The following TMEM204 variants were observed in gnomAD, a reference collection of about 807,000 sequenced individuals.
TMEM204 encodes transmembrane protein 204, also known as claudin-like protein 24.
TMEM204 carries 15 observed loss-of-function variants against 19.4 expected under a neutral mutation model. That is an observed-to-expected ratio of 0.77 (90% CI 0.52 to 1.19). The LOEUF (loss-of-function observed/expected upper bound fraction) is 1.19, where lower values mean the gene tolerates loss of function less well. Among genes scored for constraint, TMEM204 ranks in the 50% most tolerant of loss-of-function variants. The probability of loss-of-function intolerance (pLI) is 0.00; values close to 1 mark genes in which losing one functional copy is unlikely to be tolerated. For missense variants in TMEM204, 287 were observed against 321.2 expected, an observed-to-expected ratio of 0.89 and a Z score of 0.81; for synonymous variants, 161 against 146.0, an observed-to-expected ratio of 1.10 and a Z score of -0.74.
intron 1 of TMEM204, among the ~76,000 whole-genome samples, chr16:1,534,930 C>T (rs957186821): frequency 2.0e-4 from 30 of 152,008 alleles, no homozygotes; most frequent in African/African-American, 7.0e-4. Context: ...TACGGCTGGG[C>T]GCAGTGGTTC....
rs552516748 is a variant in TMEM204, at chr16:1,551,471, T to C, written c.437-3311T>C. Among the ~76,000 whole-genome samples the C allele has an allele frequency of 3.0e-4, 46 of 152,118 alleles. No homozygotes were observed. Among genetic ancestry groups the C allele is most frequent in the Non-Finnish European group, 4.9e-4 (33 of 67,972 alleles). On this transcript the variant is annotated intron_variant, in intron 2 of 2. Transcript: ENST00000566264. This position sits in a 1 kb window ranked among gnomAD's most constrained non-coding sequence, Gnocchi z 4.0. ...AGGGTGGCAGAAGGGCGGCCGCAGG[T>C]AGCAGGGGAGACCCTAAGGCGATGG...
intron 2 of TMEM204, among the ~76,000 whole-genome samples, chr16:1,545,027 A>C (rs1460184070): frequency 6.6e-6 from 1 of 152,256 alleles, no homozygotes; most frequent in African/African-American, 2.4e-5. Flanking sequence ...TGGCATGTCG[A>C]AAATGACAGC....
At chr16:1,552,535 C>T (rs1481510471) in intron 2 of TMEM204, among the ~76,000 whole-genome samples, 1 of 152,190 alleles carries the variant, frequency 6.6e-6, no homozygotes, top group Non-Finnish European at 1.5e-5. Context: ...AGGCTCATTC[C>T]TTCACCCCAG....
intron 2 of TMEM204, among the ~76,000 whole-genome samples, chr16:1,544,522 G>T (rs538454365): frequency 6.6e-6 from 1 of 152,094 alleles, no homozygotes; most frequent in Non-Finnish European, 1.5e-5. Context: ...TAGAGACGGG[G>T]TTTCACCATG....
At chr16:1,545,763 G>A (rs896380011) in intron 2 of TMEM204, among the ~76,000 whole-genome samples, 3 of 152,224 alleles carry the variant, frequency 2.0e-5, no homozygotes, top group Non-Finnish European at 4.4e-5. Flanking sequence ...TGAAAGGAAG[G>A]CTCCTTGTCA....
chr16:1,542,565 G>C (rs530781841), intron 2 of TMEM204, among the ~76,000 whole-genome samples: 1 of 152,240 alleles, frequency 6.6e-6, no homozygotes, highest in Non-Finnish European at 1.5e-5. Context: ...CATGTGCTCT[G>C]TTATAAACGC....
chr16:1,541,850 T>C, intron 1 of TMEM204, 71 bp from the exon 2 acceptor site: 4 of 1,476,580 alleles, frequency 2.7e-6, no homozygotes, highest in Non-Finnish European at 3.6e-6. Context: ...ACCACGAAAG[T>C]GGCGTGACGG....
At chr16:1,538,426 C>T (rs959179841) in intron 1 of TMEM204, among the ~76,000 whole-genome samples, 2 of 152,226 alleles carry the variant, frequency 1.3e-5, no homozygotes, top group African/African-American at 2.4e-5. Flanking sequence ...CACAACTACA[C>T]GTGCAGCTGT....
intron 2 of TMEM204, among the ~76,000 whole-genome samples, 163 bp downstream of exon 2, chr16:1,542,239 C>G (rs371594237): frequency 6.6e-6 from 1 of 152,258 alleles, no homozygotes; most frequent in African/African-American, 2.4e-5. Context: ...TCCTCCCTCC[C>G]TCTTGCTGTA....
chr16:1,541,803 C>T (rs2031666217), intron 1 of TMEM204, 118 bp from the exon 2 acceptor site: 1 of 1,279,100 alleles, frequency 7.8e-7, no homozygotes. Flanking sequence ...AATGGAGGCA[C>T]AGCCTGTGCC....
rs117766568 is a variant in TMEM204, at chr16:1,546,783, A to G, written c.436+4707A>G. 4.6e-3 allele frequency among the ~76,000 whole-genome samples: 703 copies of G among 152,126 alleles called. 4 individuals carry two copies. Among genetic ancestry groups the G allele is most frequent in the Non-Finnish European group, 6.2e-3 (419 of 67,986 alleles). ...GTCCTGAGCCCGGCCTGAAGAGAAC[A>G]CTTTTCGGTGGTTTGATCCAGCAGC... On this transcript the variant is annotated intron_variant, in intron 2 of 2. Coordinates refer to ENST00000566264, the MANE Select transcript of TMEM204 (RefSeq NM_024600.6).
Position 1,553,371 on chromosome 16 carries a change from ACAGGG to A in TMEM204, c.437-1403_437-1399del, listed in dbSNP as rs1365875490. 17 of 985,148 alleles carry A rather than the reference ACAGGG, an allele frequency of 1.7e-5. No individual in the cohort carries two copies. The highest frequency in any genetic ancestry group is 2.0e-5 in the Non-Finnish European group (17 of 829,904). 61.0% of individuals were successfully genotyped at this position (985,148 alleles called of 1,614,324 possible). The stretch of plus-strand genomic sequence containing the variant: ...CATCCTCTCTCGATGCTGGGGCCAC[ACAGGG>A]CAGGGCATGATTTGGTTTCCTGGGG... On this transcript the variant is annotated intron_variant, in intron 2 of 2. Transcript: ENST00000566264. This position sits in a 1 kb window ranked among gnomAD's most constrained non-coding sequence, Gnocchi z 4.4.
intron 2 of TMEM204, among the ~76,000 whole-genome samples, chr16:1,542,450 C>G (rs1161056526): frequency 6.6e-6 from 1 of 152,218 alleles, no homozygotes; most frequent in South Asian, 2.1e-4. Context: ...AATGCTGAGG[C>G]AGCTGGTGGG....
chr16:1,533,958 G>T lies in TMEM204; in HGVS notation c.-318G>T. 1 of 419,030 alleles carries T rather than the reference G, an allele frequency of 2.4e-6. No individual in the cohort carries two copies. The highest frequency in any genetic ancestry group is 4.3e-6 in the Non-Finnish European group (1 of 234,838). 26.0% of individuals were successfully genotyped at this position (419,030 alleles called of 1,614,324 possible). ...GGCGAGAAGAGGCACGCGCGGCACA[G>T]GCCGGCCTCCGCTTCCCGGGAAGAC... On this transcript the variant is annotated 5_prime_UTR_variant, in exon 1 of 3. In the 5' UTR this introduces an upstream ATG that the reference lacks. Coordinates refer to ENST00000566264, the MANE Select transcript of TMEM204 (RefSeq NM_024600.6). The surrounding 1 kb of genome is among the most constrained non-coding windows in gnomAD (Gnocchi z 4.7).
At chr16:1,536,194 A>G (rs538236950) in intron 1 of TMEM204, among the ~76,000 whole-genome samples, 4 of 152,320 alleles carry the variant, frequency 2.6e-5, no homozygotes, top group African/African-American at 9.6e-5. Flanking sequence ...AGGCAGCCCA[A>G]TCTCAGGGCA....
rs555244196 is a variant in TMEM204, at chr16:1,555,277, A to G, written c.*251A>G. 9.9e-6 allele frequency: 5 copies of G among 502,740 alleles called. No individual in the cohort carries two copies. The East Asian group carries it at 1.8e-4, about 18-fold the overall frequency. The allele number at this position is 502,740 out of a possible 1,614,324, so 31.1% of individuals were successfully genotyped here. A position where few individuals can be genotyped will look rare whatever the true frequency, so the allele number is the denominator to read the frequency against. ...TAGCGCAACGCGGCTCCACGACCAC[A>G]CGCACTTCAGGGTGGAAGCTGGAAG... is the stretch of plus-strand genomic sequence containing the variant. On this transcript the variant is annotated 3_prime_UTR_variant, in exon 3 of 3. Coordinates refer to ENST00000566264, the MANE Select transcript of TMEM204 (RefSeq NM_024600.6).
chr16:1,538,369 C>T (rs1026451301), intron 1 of TMEM204, among the ~76,000 whole-genome samples: 4 of 152,158 alleles, frequency 2.6e-5, no homozygotes, highest in African/African-American at 9.7e-5. Flanking sequence ...GTCAGGGGTG[C>T]GTCTGCTTAT....
At chr16:1,536,100 G>A (rs1183676711) in intron 1 of TMEM204, among the ~76,000 whole-genome samples, 2 of 152,236 alleles carry the variant, frequency 1.3e-5, no homozygotes, top group African/African-American at 2.4e-5. Context: ...CACCCCCGGG[G>A]GAGGGAGTTC....
chr16:1,555,272 A>C lies in TMEM204; in HGVS notation c.*246A>C. ...CTGGTTAGCGCAACGCGGCTCCACG[A>C]CCACACGCACTTCAGGGTGGAAGCT... On this transcript the variant is annotated 3_prime_UTR_variant, in exon 3 of 3. Transcript: ENST00000566264. 4.0e-6 allele frequency: 2 copies of C among 503,700 alleles called. No individual in the cohort carries two copies. The highest frequency in any genetic ancestry group is 3.5e-6 in the Non-Finnish European group (1 of 283,324). The allele number at this position is 503,700 out of a possible 1,614,324, so 31.2% of individuals were successfully genotyped here.
Sources: allele counts gnomAD v4.1 joint callset (sites outside exome capture counted in the v4.1 genomes callset), GRCh38; gene constraint gnomAD v4.1.1; non-coding constraint Gnocchi (gnomAD v3.1); transcripts MANE v1.5; gene names NCBI Gene and HGNC (gene_info 2026-07-23, HGNC 2026-07-21).